THSD7A: variants seen among roughly 807,000 people sequenced by gnomAD.
THSD7A encodes thrombospondin type 1 domain containing 7A.
THSD7A carries 96 observed loss-of-function variants against 231.3 expected under a neutral mutation model. The ratio of observed to expected loss-of-function variants is 0.41; its 90% confidence interval spans 0.35 to 0.49. THSD7A has a LOEUF of 0.49. Among genes scored for constraint, THSD7A ranks in the 20% least tolerant of loss-of-function variants. The pLI, the probability that THSD7A is intolerant of heterozygous loss-of-function variation, is 0.05. For missense variants in THSD7A, 2,290 were observed against 2,070.2 expected (o/e 1.11, Z -2.06); for synonymous variants, 940 against 743.3 (o/e 1.26, Z -4.30).
At chr7:11,412,406 A>T (rs1176472852) in intron 18 of THSD7A, among the ~76,000 whole-genome samples, 1 of 152,184 alleles carries the variant, frequency 6.6e-6, no homozygotes, top group Admixed American at 6.5e-5. Flanking sequence ...ATGTAGGAAC[A>T]CTTAGTATAT....
At position 11,772,502 on chromosome 7, in the gene THSD7A, G is replaced by T. The variant is rs189938697; in HGVS notation, c.190+59255C>A. Among the ~76,000 whole-genome samples, 66 of 152,138 alleles carry T rather than the reference G, an allele frequency of 4.3e-4. 1 individual carries two copies. The highest frequency in any genetic ancestry group is 4.3e-3 in the Admixed American group (65 of 15,284). The stretch of plus-strand genomic sequence containing the variant: ...GCCCATCAACACTGGCTTGGATAAA[G>T]AAAATGTGGTACATATACACCATGA... On this transcript the variant is annotated intron_variant, in intron 1 of 27. Coordinates refer to ENST00000423059, the MANE Select transcript of THSD7A (RefSeq NM_015204.3).
At chr7:11,489,822 C>G (rs763081973) in intron 6 of THSD7A, among the ~76,000 whole-genome samples, 2 of 151,968 alleles carry the variant, frequency 1.3e-5, no homozygotes, top group South Asian at 2.1e-4. Context: ...TTAGCTTTGT[C>G]TGGTACAACT....
chr7:11,757,647 A>G (rs1782728137), intron 1 of THSD7A, among the ~76,000 whole-genome samples: 1 of 151,948 alleles, frequency 6.6e-6, no homozygotes, highest in African/African-American at 2.4e-5. Flanking sequence ...GTTGATTGAT[A>G]TTAGAGGTAT....
At chr7:11,424,257 A>C (rs1440656495) in intron 16 of THSD7A, among the ~76,000 whole-genome samples, 1 of 152,178 alleles carries the variant, frequency 6.6e-6, no homozygotes, top group African/African-American at 2.4e-5. Context: ...CTACAGAAGA[A>C]CAAGTGACAC....
chr7:11,536,184 C>T (rs1207023920), intron 6 of THSD7A, among the ~76,000 whole-genome samples: 1 of 152,094 alleles, frequency 6.6e-6, no homozygotes, highest in Non-Finnish European at 1.5e-5. Context: ...AATCCAGGAA[C>T]CTCCTAAGTG....
intron 26 of THSD7A, 138 bp from the exon 27 acceptor site, chr7:11,376,795 A>C: frequency 2.1e-6 from 1 of 484,392 alleles, no homozygotes; most frequent in East Asian, 3.1e-5. Flanking sequence ...AGCACAGTTA[A>C]TGATTAATGC....
chr7:11,484,782 G>A (rs561700640), intron 6 of THSD7A, among the ~76,000 whole-genome samples: 13 of 148,872 alleles, frequency 8.7e-5, no homozygotes, highest in African/African-American at 1.5e-4. Context: ...AGGGCCTCCC[G>A]AAAGTGTATT....
chr7:11,430,933 A>G (rs1438777653), intron 13 of THSD7A, among the ~76,000 whole-genome samples: 6 of 152,206 alleles, frequency 3.9e-5, no homozygotes, highest in African/African-American at 1.4e-4. Flanking sequence ...TTTGTCTATC[A>G]TGAATAATGC....
At chr7:11,736,293 T>C (rs1438903633) in intron 1 of THSD7A, among the ~76,000 whole-genome samples, 3 of 152,020 alleles carry the variant, frequency 2.0e-5, no homozygotes, top group African/African-American at 7.2e-5. Context: ...TTCTATTTAG[T>C]AATATTTAAT....
chr7:11,443,408 G>A (rs957320044), intron 13 of THSD7A, among the ~76,000 whole-genome samples: 11 of 151,716 alleles, frequency 7.3e-5, no homozygotes, highest in African/African-American at 2.7e-4. Context: ...ATTTCATATA[G>A]AGAATAAAAT....
At chr7:11,822,128 T>C (rs949142903) in intron 1 of THSD7A, among the ~76,000 whole-genome samples, 10 of 152,144 alleles carry the variant, frequency 6.6e-5, no homozygotes, top group African/African-American at 2.4e-4. Context: ...AGTTAGGACT[T>C]CTAGGATATC....
chr7:11,419,424 G>C (rs950458608), intron 16 of THSD7A, among the ~76,000 whole-genome samples: 1 of 152,092 alleles, frequency 6.6e-6, no homozygotes, highest in Admixed American at 6.6e-5. Context: ...AAATGTGCTT[G>C]CTTCCTCTTC....
chr7:11,812,173 G>A (rs1784550009), intron 1 of THSD7A, among the ~76,000 whole-genome samples: 1 of 151,646 alleles, frequency 6.6e-6, no homozygotes, highest in South Asian at 2.1e-4. Context: ...GGGAGAGGGA[G>A]AGAGAGTGCC....
In THSD7A at chr7:11,406,691, GA is replaced by G. The variant is rs377618676; in HGVS notation, c.4062+218del. ...CAGGAAAATAAATTTTCATTAAAATGAATCAGTCTCCAAATGATTTTAAAAA... is the reference window on the plus strand; with the variant it reads ...CAGGAAAATAAATTTTCATTAAAATGATCAGTCTCCAAATGATTTTAAAAA... On this transcript the variant is annotated intron_variant, in intron 21 of 27. Coordinates refer to ENST00000423059, the MANE Select transcript of THSD7A (RefSeq NM_015204.3). This position sits in a 1 kb window ranked among gnomAD's most constrained non-coding sequence, Gnocchi z 4.7. 6.6e-6 allele frequency among the ~76,000 whole-genome samples: 1 copy of G among 152,088 alleles called. No homozygotes were observed. The highest frequency in any genetic ancestry group is 2.4e-5 in the African/African-American group (1 of 41,430).
intron 6 of THSD7A, among the ~76,000 whole-genome samples, chr7:11,489,840 A>T (rs563849273): frequency 6.6e-6 from 1 of 151,830 alleles, no homozygotes; most frequent in East Asian, 1.9e-4. Context: ...ACTTTAACAA[A>T]CCCTTGATAT....
At chr7:11,778,777 A>G (rs1430769552) in intron 1 of THSD7A, among the ~76,000 whole-genome samples, 1 of 152,152 alleles carries the variant, frequency 6.6e-6, no homozygotes, top group Non-Finnish European at 1.5e-5. Flanking sequence ...TCTCATGTGA[A>G]TAGAAATTGT....
In THSD7A at chr7:11,725,372, C is replaced by T. The variant is rs982248531; in HGVS notation, c.191-88411G>A. Among the ~76,000 whole-genome samples the T allele has an allele frequency of 2.6e-5, 4 of 151,830 alleles. 1 individual carries two copies. Among genetic ancestry groups the T allele is most frequent in the Non-Finnish European group, 5.9e-5 (4 of 67,910 alleles). Reference sequence around the variant, plus strand: ...GATCACAGTTCCTATGGTGAAGACCCGTACCACACATTTTCAGAAATAGTT... The same window carrying T: ...GATCACAGTTCCTATGGTGAAGACCTGTACCACACATTTTCAGAAATAGTT... On this transcript the variant is annotated intron_variant, in intron 1 of 27. Transcript: ENST00000423059.
chr7:11,422,852 C>T (rs58626972), intron 16 of THSD7A, among the ~76,000 whole-genome samples: 1,985 of 152,188 alleles, frequency 0.013, 56 homozygotes, highest in African/African-American at 0.045. Flanking sequence ...AGGGTTTCAC[C>T]ATGTTGGCCA....
At chr7:11,824,357 AAGAAACTTGTATTCCTCCTAAAAGGAC>A (rs1784962983) in intron 1 of THSD7A, among the ~76,000 whole-genome samples, 3 of 152,100 alleles carry the variant, frequency 2.0e-5, no homozygotes, top group African/African-American at 4.8e-5. Context: ...ATCAGAGGTC[AAGAAACTTGTATTCCTCCTAAAAGGAC>A]CCAAACTACA....
Sources: gnomAD v4.1 joint callset for allele counts (sites outside exome capture counted in the v4.1 genomes callset) on GRCh38, gnomAD v4.1.1 for gene constraint, Gnocchi (gnomAD v3.1) non-coding constraint, MANE v1.5 for transcripts, NCBI Gene and HGNC (gene_info 2026-07-23, HGNC 2026-07-21) for gene names.